The following CNOT8 variants were observed in gnomAD, a reference collection of about 807,000 sequenced individuals.
The protein encoded by CNOT8 is CAF1-like protein.
Under a neutral mutation model 34.6 loss-of-function variants are expected in CNOT8, and 18 were observed. That is an observed-to-expected ratio of 0.52 (90% CI 0.36 to 0.77). The LOEUF is 0.77. Among genes scored for constraint, CNOT8 ranks in the 30% least tolerant of loss-of-function variants. CNOT8 has a pLI of 0.00. For missense variants in CNOT8, 189 were observed against 347.9 expected (o/e 0.54, Z 3.63); for synonymous variants, 101 against 118.8 (o/e 0.85, Z 0.98).
chr5:154,867,712 A>G lies in CNOT8; in HGVS notation c.311+2327A>G, dbSNP rs77953251. 3.0e-3 allele frequency: 871 copies of G among 286,366 alleles called. 6 individuals are homozygous for G. The highest frequency in any genetic ancestry group is 0.019 in the African/African-American group (803 of 41,686). The allele number at this position is 286,366 out of a possible 1,614,324, so 17.7% of individuals were successfully genotyped here. A position where few individuals can be genotyped will look rare whatever the true frequency, so the allele number is the denominator to read the frequency against. On this transcript the variant is annotated intron_variant, in intron 3 of 6. Transcript: ENST00000285896. ...ACTAGATATAAGAAAGAAAAAGTCA[A>G]CAATAATACATGTGTTGCTTGAGCT...
intron 1 of CNOT8, among the ~76,000 whole-genome samples, chr5:154,860,842 A>G (rs1306534262): frequency 6.6e-6 from 1 of 152,164 alleles, no homozygotes; most frequent in Non-Finnish European, 1.5e-5. Flanking sequence ...TATATGCCAG[A>G]TATGTATAAC....
intron 1 of CNOT8, among the ~76,000 whole-genome samples, chr5:154,862,487 TACTA>T (rs939324921): frequency 1.3e-5 from 2 of 151,812 alleles, no homozygotes; most frequent in Non-Finnish European, 2.9e-5. Flanking sequence ...AAAAAGTAAA[TACTA>T]ACTAAAATTC....
chr5:154,874,213 C>G (rs922171237), intron 6 of CNOT8, among the ~76,000 whole-genome samples: 7 of 152,014 alleles, frequency 4.6e-5, no homozygotes, highest in African/African-American at 1.7e-4. Flanking sequence ...TAAAAGAATA[C>G]ATGGAAAGTA....
intron 3 of CNOT8, among the ~76,000 whole-genome samples, chr5:154,866,749 C>G (rs914692923): frequency 6.6e-6 from 1 of 151,972 alleles, no homozygotes; most frequent in Non-Finnish European, 1.5e-5. Flanking sequence ...CCCATCTCTA[C>G]TAAAAATAAA....
chr5:154,863,172 A>G, intron 1 of CNOT8, 35 bp from the exon 2 acceptor site: 2 of 759,238 alleles, frequency 2.6e-6, no homozygotes, highest in Non-Finnish European at 4.7e-6. Flanking sequence ...ATGTGTGTGT[A>G]AACTTACATG....
At chr5:154,864,533 T>C (rs1761680076) in intron 2 of CNOT8, among the ~76,000 whole-genome samples, 1 of 152,214 alleles carries the variant, frequency 6.6e-6, no homozygotes, top group Non-Finnish European at 1.5e-5. Flanking sequence ...TCACTCAAGC[T>C]AAGCCTGTCT....
At chr5:154,865,530 A>C (rs1335383839) in intron 3 of CNOT8, 145 bp downstream of exon 3, 2 of 540,360 alleles carry the variant, frequency 3.7e-6, no homozygotes, top group Non-Finnish European at 6.3e-6. Context: ...GCAGCTCAAC[A>C]ATGAAAAGAT....
intron 2 of CNOT8, 93 bp from the exon 3 acceptor site, chr5:154,865,099 T>C (rs933818426): frequency 1.8e-6 from 2 of 1,116,976 alleles, no homozygotes; most frequent in African/African-American, 3.2e-5. Flanking sequence ...CACATAACTT[T>C]TATAAATGGA....
chr5:154,864,394 C>T (rs1184227299), intron 2 of CNOT8, among the ~76,000 whole-genome samples: 1 of 151,740 alleles, frequency 6.6e-6, no homozygotes, highest in African/African-American at 2.4e-5. Context: ...GGAGGCAGAG[C>T]TTGCAGTGAG....
intron 3 of CNOT8, among the ~76,000 whole-genome samples, chr5:154,869,627 T>G (rs80185243): frequency 0.054 from 1,414 of 26,132 alleles, 22 homozygotes; most frequent in African/African-American, 0.2. Flanking sequence ...TTTTTTTGTG[T>G]TTTTTTTTTT....
At chr5:154,861,309 G>A (rs550649724) in intron 1 of CNOT8, among the ~76,000 whole-genome samples, 1 of 152,240 alleles carries the variant, frequency 6.6e-6, no homozygotes, top group African/African-American at 2.4e-5. Flanking sequence ...GCTTTAAGAA[G>A]TTTCTACTAT....
At chr5:154,871,700 T>C (rs756245648) in intron 4 of CNOT8, 30 bp from the exon 5 acceptor site, 1 of 1,608,708 alleles carries the variant, frequency 6.2e-7, no homozygotes, top group Non-Finnish European at 8.5e-7. Context: ...ACCACTGCTT[T>C]TTTAACCTCT....
chr5:154,870,501 T>G (rs754600792), intron 3 of CNOT8, 160 bp from the exon 4 acceptor site: 9 of 548,362 alleles, frequency 1.6e-5, no homozygotes, highest in South Asian at 2.6e-5. Flanking sequence ...TGATCTACTT[T>G]GCATGCTTGT....
intron 2 of CNOT8, 41 bp downstream of exon 2, chr5:154,863,436 A>C (rs1365574322): frequency 6.9e-7 from 1 of 1,445,732 alleles, no homozygotes; most frequent in Non-Finnish European, 9.7e-7. Flanking sequence ...TGTCACTTTT[A>C]AAGTTGGGGT....
chr5:154,861,326 T>G (rs921291006), intron 1 of CNOT8, among the ~76,000 whole-genome samples: 19 of 152,336 alleles, frequency 1.2e-4, no homozygotes, highest in Non-Finnish European at 2.8e-4. Context: ...CTATGTTTTT[T>G]GGGGGAGATG....
intron 1 of CNOT8, among the ~76,000 whole-genome samples, chr5:154,862,050 G>A (rs1761398027): frequency 6.6e-6 from 1 of 152,094 alleles, no homozygotes; most frequent in Non-Finnish European, 1.5e-5. Flanking sequence ...AATAATAACA[G>A]CATTCGTCAG....
chr5:154,863,544 C>T, intron 2 of CNOT8, 149 bp downstream of exon 2: 1 of 670,028 alleles, frequency 1.5e-6, no homozygotes, highest in Non-Finnish European at 2.7e-6. Context: ...GTCCTCCCAC[C>T]TCACCTTTCC....
intron 4 of CNOT8, 37 bp downstream of exon 4, chr5:154,870,859 G>A: frequency 6.5e-7 from 1 of 1,544,682 alleles, no homozygotes; most frequent in East Asian, 2.3e-5. Context: ...CTCTCACTTT[G>A]GGCTACACTG....
chr5:154,865,405 A>G lies in CNOT8; in HGVS notation c.311+20A>G. On this transcript the variant is annotated intron_variant, in intron 3 of 6. Transcript: ENST00000285896. ...CCTTACGTAAGTGATTTCTAAATAAATGCGTTAATTTTAAGTTTTGTTTTC... is the reference window on the plus strand; with the variant it reads ...CCTTACGTAAGTGATTTCTAAATAAGTGCGTTAATTTTAAGTTTTGTTTTC... 2 of 1,552,540 alleles carry G rather than the reference A, an allele frequency of 1.3e-6. No individual in the cohort carries two copies. The highest frequency in any genetic ancestry group is 8.7e-7 in the Non-Finnish European group (1 of 1,147,880).
Sources: gnomAD v4.1 joint callset for allele counts (sites outside exome capture counted in the v4.1 genomes callset) on GRCh38, gnomAD v4.1.1 for gene constraint, MANE v1.5 for transcripts, NCBI Gene and HGNC (gene_info 2026-07-23, HGNC 2026-07-21) for gene names.